Variants in SEMA4A observed in about 807,000 individuals in gnomAD.
The protein encoded by SEMA4A is semaphorin-4A.
Under a neutral mutation model 72.5 loss-of-function variants are expected in SEMA4A, and 52 were observed. The observed-to-expected ratio is 0.72, with a 90% CI of 0.57 to 0.90. The LOEUF (loss-of-function observed/expected upper bound fraction) is 0.90. Among genes scored for constraint, SEMA4A ranks in the 40% least tolerant of loss-of-function variants. The probability of loss-of-function intolerance (pLI) is 0.00; values close to 1 mark genes in which losing one functional copy is unlikely to be tolerated. For synonymous variants in SEMA4A, 369 were observed against 393.1 expected, an observed-to-expected ratio of 0.94 and a Z score of 0.73; for missense variants, 926 against 959.7, an observed-to-expected ratio of 0.96 and a Z score of 0.46.
At chr1:156,163,314 G>T in intron 10 of SEMA4A, 1 of 586,296 alleles carries the variant, frequency 1.7e-6, no homozygotes, top group Non-Finnish European at 3.1e-6. Flanking sequence ...CTTCACCAAG[G>T]CTAAGTGTAC....
At chr1:156,172,478 C>CT (rs1654899294) in intron 10 of SEMA4A, among the ~76,000 whole-genome samples, 1 of 152,174 alleles carries the variant, frequency 6.6e-6, no homozygotes, top group Admixed American at 6.5e-5. Context: ...GCCAGGCCTC[C>CT]TTGCTGGAGG....
chr1:156,149,809 C>A (rs1652390351), upstream of SEMA4A: 1 of 152,168 alleles, frequency 6.6e-6, no homozygotes, highest in Admixed American at 6.6e-5. Flanking sequence ...GCTACTGTAC[C>A]TCCTTTTCAC....
intron 8 of SEMA4A, 132 bp from the exon 9 acceptor site, chr1:156,161,213 AG>A: frequency 3.1e-6 from 1 of 323,846 alleles, no homozygotes; most frequent in South Asian, 3.7e-5. Flanking sequence ...AGCGTGGCTG[AG>A]GGGGCGGGGT....
chr1:156,155,974 G>A (rs149469769), intron 2 of SEMA4A: 1 of 262,178 alleles, frequency 3.8e-6, no homozygotes, highest in African/African-American at 2.2e-5. Flanking sequence ...GAAGAAAGCA[G>A]GGGTGGTTGG....
chr1:156,173,028 A>G, intron 11 of SEMA4A, 22 bp downstream of exon 11: 3 of 1,611,534 alleles, frequency 1.9e-6, no homozygotes, highest in South Asian at 1.1e-5. Flanking sequence ...GTTCCGGGAC[A>G]TCCCCCAGAG....
intron 2 of SEMA4A, chr1:156,155,309 C>G (rs1434705831): frequency 6.5e-6 from 1 of 154,960 alleles, no homozygotes; most frequent in Admixed American, 6.3e-5. Flanking sequence ...GATGTAGACA[C>G]TGTAGGAGTT....
rs1655263658 is a variant in SEMA4A at position 156,175,721 on chromosome 1, G to A, written c.1693+65G>A. 36 of 1,157,026 alleles carry A rather than the reference G, an allele frequency of 3.1e-5. 1 individual carries two copies. The South Asian group carries it at 4.5e-4, about 14-fold the overall frequency. The allele number at this position is 1,157,026 out of a possible 1,614,324, so 71.7% of individuals were successfully genotyped here. A position where few individuals can be genotyped will look rare whatever the true frequency, so the allele number is the denominator to read the frequency against. ...CTGGAAGACTTTTGGGCAGGGGTGGGCATTCCTGCTCCAATTTCCTCCCCC... is the reference window on the plus strand; with the variant it reads ...CTGGAAGACTTTTGGGCAGGGGTGGACATTCCTGCTCCAATTTCCTCCCCC... On this transcript the variant is annotated intron_variant, in intron 14 of 14. Transcript: ENST00000368285.
chr1:156,166,757 C>T (rs553960228), intron 10 of SEMA4A, among the ~76,000 whole-genome samples: 7 of 151,864 alleles, frequency 4.6e-5, no homozygotes, highest in South Asian at 2.1e-4. Flanking sequence ...GGTGAAACCC[C>T]GTCTCTACTA....
Position 156,175,177 on chromosome 1 carries a change from C to T in SEMA4A, c.1526C>T (p.Ala509Val), listed in dbSNP as rs749484533. 1.9e-6 allele frequency: 3 copies of T among 1,614,142 alleles called. No individual in the cohort carries two copies. The highest frequency in any genetic ancestry group is 2.5e-6 in the Non-Finnish European group (3 of 1,180,026). ...GAGAGCTGTGTGGACTGTGTCCTTG[C>T]CCGGGACCCCCACTGTGCCTGGGAC... ...VYESCVDCVL[A>V]RDPHCAWDPE... The change falls in exon 13 of 15, where the codon GCC (alanine) becomes GTC (valine). Residue 509 changes from alanine to valine, a missense_variant. By Grantham distance (64) the Ala-to-Val change is moderately conservative (BLOSUM62 0). Coordinates refer to ENST00000368285, the MANE Select transcript of SEMA4A (RefSeq NM_022367.4).
Position 156,172,746 on chromosome 1 carries a change from G to A in SEMA4A, c.1135-80G>A, listed in dbSNP as rs1654919664. ...GGACTGCCATGAGGGAGGGGGTAAA[G>A]GGAGAAGAGCAGGCGTTGGAGGGAG... On this transcript the variant is annotated intron_variant, in intron 10 of 14. Transcript: ENST00000368285. The A allele has an allele frequency of 7.6e-6, 10 of 1,315,418 alleles. No homozygotes were observed. In the South Asian group the frequency reaches 9.5e-5, roughly 12 times the overall value. 81.5% of individuals were successfully genotyped at this position (1,315,418 alleles called of 1,614,324 possible).
chr1:156,165,278 C>A (rs926636373), intron 10 of SEMA4A, among the ~76,000 whole-genome samples: 1 of 152,158 alleles, frequency 6.6e-6, no homozygotes, highest in Non-Finnish European at 1.5e-5. Context: ...AATTCCCCTG[C>A]CTCATCATTC....
rs1653031282 is a variant in SEMA4A, at chr1:156,156,394, C to T, written c.140-20C>T. On this transcript the variant is annotated intron_variant, in intron 2 of 14. Coordinates refer to ENST00000368285, the MANE Select transcript of SEMA4A (RefSeq NM_022367.4). ...GCCCACCAAGTCCTCATCACTCTCT[C>T]TGTCTTACTCCTCCAACAGGGGATG... is the stretch of plus-strand genomic sequence containing the variant. The T allele has an allele frequency of 1.2e-6, 2 of 1,613,544 alleles. No homozygotes were observed. Among genetic ancestry groups the T allele is most frequent in the Non-Finnish European group, 1.7e-6 (2 of 1,179,486 alleles).
upstream of SEMA4A, chr1:156,150,100 G>C (rs1174361113): frequency 6.6e-6 from 1 of 152,140 alleles, no homozygotes; most frequent in Non-Finnish European, 1.5e-5. Context: ...CCAGGTAAGG[G>C]AGCGGGGGAG....
chr1:156,150,463 T>G (rs1195467721), upstream of SEMA4A, among the ~76,000 whole-genome samples: 7 of 151,892 alleles, frequency 4.6e-5, no homozygotes, highest in African/African-American at 1.7e-4. Flanking sequence ...CCAGGGCAGG[T>G]GGAGCTAAGG....
Position 156,154,790 on chromosome 1 carries a change from A to G in SEMA4A, c.139+73A>G, listed in dbSNP as rs935916862. On this transcript the variant is annotated intron_variant, in intron 2 of 14. Transcript: ENST00000368285. ...AGGTGGGTGGAGGAAGGAGAGAGGA[A>G]CAGAGGAGGGGAGGAAATGGATATG... 26 of 1,520,682 alleles carry G rather than the reference A, an allele frequency of 1.7e-5. No individual in the cohort carries two copies. The South Asian group carries it at 3.1e-4, about 18-fold the overall frequency. 94.2% of individuals were successfully genotyped at this position (1,520,682 alleles called of 1,614,324 possible). A position where few individuals can be genotyped will look rare whatever the true frequency, so the allele number is the denominator to read the frequency against.
At chr1:156,161,249 CTGGGGGGACACGCCGAGCTGCGG>C (rs1653608236) in intron 8 of SEMA4A, 74 bp from the exon 9 acceptor site, 40 of 720,036 alleles carry the variant, frequency 5.6e-5, no homozygotes, top group African/African-American at 1.1e-4. Context: ...CTGGCGGGGA[CTGGGGGGACACGCCGAGCTGCGG>C]GGGGCGGGGA....
rs765918538 is a variant in SEMA4A, at chr1:156,174,818, A to T, written c.1316-4A>T. On this transcript the variant is annotated splice_region_variant and splice_polypyrimidine_tract_variant and intron_variant, in intron 11 of 14. Coordinates refer to ENST00000368285, the MANE Select transcript of SEMA4A (RefSeq NM_022367.4). ...TGACTTCCACTCTCTCTGTCTCCCC[A>T]TAGCCACAGGGTCGCTCCACAAGGC... The T allele has an allele frequency of 6.2e-7, 1 of 1,614,082 alleles. No individual in the cohort carries two copies. Among genetic ancestry groups the T allele is most frequent in the Non-Finnish European group, 8.5e-7 (1 of 1,180,034 alleles).
intron 10 of SEMA4A, among the ~76,000 whole-genome samples, chr1:156,171,372 A>G (rs1654757981): frequency 6.6e-6 from 1 of 152,136 alleles, no homozygotes; most frequent in African/African-American, 2.4e-5. Flanking sequence ...TGGGTGAGAA[A>G]AAGGAGGCTC....
At chr1:156,150,337 G>A (rs760895076), upstream of SEMA4A, 1 of 152,698 alleles carries the variant, frequency 6.5e-6, no homozygotes, top group Non-Finnish European at 1.5e-5. Context: ...AAGAGGTGGA[G>A]GGACACAGGG....
Sources: allele counts gnomAD v4.1 joint callset (sites outside exome capture counted in the v4.1 genomes callset), GRCh38; gene constraint gnomAD v4.1.1; transcripts MANE v1.5; gene names NCBI Gene and HGNC (gene_info 2026-07-23, HGNC 2026-07-21).